TMEM67: variants seen among roughly 807,000 people sequenced by gnomAD.
TMEM67 encodes the protein transmembrane protein 67.
A neutral mutation model predicts 136.6 loss-of-function variants in TMEM67; 124 were observed. The observed-to-expected ratio is 0.91, with a 90% CI of 0.78 to 1.05. The LOEUF (loss-of-function observed/expected upper bound fraction) is 1.05. TMEM67 is among the 50% of genes least tolerant of loss of function. The pLI, the probability that TMEM67 is intolerant of heterozygous loss-of-function variation, is 0.00. For synonymous variants in TMEM67, 364 were observed against 390.5 expected, an observed-to-expected ratio of 0.93 and a Z score of 0.80; for missense variants, 1,107 against 1,178.4, an observed-to-expected ratio of 0.94 and a Z score of 0.89.
chr8:93,784,930 A>G (rs1423495963), intron 11 of TMEM67, among the ~76,000 whole-genome samples: 1 of 152,190 alleles, frequency 6.6e-6, no homozygotes, highest in Non-Finnish European at 1.5e-5. Flanking sequence ...GAATGAAGGT[A>G]TACCTCCTTC....
chr8:93,813,526 C>G (rs898050886), intron 26 of TMEM67, among the ~76,000 whole-genome samples: 14 of 152,162 alleles, frequency 9.2e-5, no homozygotes, highest in African/African-American at 3.4e-4. Flanking sequence ...TGAGCTAAGG[C>G]AGTAGCAGTG....
intron 10 of TMEM67, 91 bp from the exon 11 acceptor site, chr8:93,782,304 A>G: frequency 1.1e-6 from 1 of 892,572 alleles, no homozygotes; most frequent in Non-Finnish European, 1.9e-6. Context: ...AGTATTATGT[A>G]GAGCATATAT....
At chr8:93,793,161 A>T (rs1460558813) in intron 15 of TMEM67, 37 bp from the exon 16 acceptor site, 1 of 1,574,528 alleles carries the variant, frequency 6.4e-7, no homozygotes, top group Non-Finnish European at 8.7e-7. Context: ...CGATGACAGA[A>T]ATTACATAAA....
intron 21 of TMEM67, 75 bp downstream of exon 21, chr8:93,799,833 A>G: frequency 1.6e-6 from 2 of 1,238,064 alleles, no homozygotes; most frequent in East Asian, 2.3e-5. Context: ...ACTGATTATC[A>G]TCAAATATTG....
rs142110560 is a variant in TMEM67, at chr8:93,764,754, T to G, written c.507-652T>G. On this transcript the variant is annotated intron_variant, in intron 4 of 27. Coordinates refer to ENST00000453321, the MANE Select transcript of TMEM67 (RefSeq NM_153704.6). ...ATGGCATCCAAATACCAATTTTTTT[T>G]GCCCAATATTTCCCCAAGCCTAGTG... Among the ~76,000 whole-genome samples the G allele has an allele frequency of 3.6e-3, 552 of 152,288 alleles. 5 individuals carry two copies. The highest frequency in any genetic ancestry group is 0.012 in the South Asian group (58 of 4,824).
chr8:93,778,657 T>G (rs1451630603), intron 7 of TMEM67, among the ~76,000 whole-genome samples: 1 of 152,234 alleles, frequency 6.6e-6, no homozygotes, highest in East Asian at 1.9e-4. Flanking sequence ...GAAAATTCTT[T>G]TCTTTAAGAA....
At chr8:93,758,107 A>C (rs1812662926) in intron 2 of TMEM67, among the ~76,000 whole-genome samples, 1 of 152,234 alleles carries the variant, frequency 6.6e-6, no homozygotes, top group Non-Finnish European at 1.5e-5. Flanking sequence ...GTTTTAGAAC[A>C]GGTAAGATTA....
chr8:93,814,838 G>A (rs1045582916), intron 26 of TMEM67, among the ~76,000 whole-genome samples: 2 of 152,008 alleles, frequency 1.3e-5, no homozygotes, highest in African/African-American at 4.8e-5. Context: ...GATGAAACTC[G>A]CTGGTGGAGT....
intron 11 of TMEM67, among the ~76,000 whole-genome samples, chr8:93,784,112 A>C (rs958009444): frequency 1.3e-5 from 2 of 152,230 alleles, no homozygotes; most frequent in African/African-American, 4.8e-5. Context: ...GTGGGGTTAG[A>C]AATTATTTTT....
intron 7 of TMEM67, among the ~76,000 whole-genome samples, chr8:93,775,480 T>C (rs1209201409): frequency 2.0e-5 from 3 of 152,162 alleles, no homozygotes; most frequent in African/African-American, 7.2e-5. Flanking sequence ...GTTTTTATGG[T>C]TTTAGGTCTA....
At chr8:93,805,005 C>G (rs892348295) in intron 23 of TMEM67, 127 bp downstream of exon 23, 13 of 622,676 alleles carry the variant, frequency 2.1e-5, no homozygotes, top group Non-Finnish European at 3.4e-5. Context: ...TGGAGTCTCC[C>G]TCTGTCACCC....
the TMEM67 span, among the ~76,000 whole-genome samples, chr8:93,830,889 CAAAG>C: frequency 6.6e-6 from 1 of 152,208 alleles, no homozygotes. Context: ...CATGAATAAT[CAAAG>C]AAAGTTCTGC....
At chr8:93,782,186 T>C (rs1371594965) in intron 10 of TMEM67, among the ~76,000 whole-genome samples, 1 of 152,214 alleles carries the variant, frequency 6.6e-6, no homozygotes, top group Non-Finnish European at 1.5e-5. Context: ...AGCGCTGGGA[T>C]TGCAGGCATG....
chr8:93,758,553 A>G lies in TMEM67; in HGVS notation c.383A>G (p.His128Arg). ...GACTTAACTGCCGAAGGAAAATGTC[A>G]CTGTCCCATTGGCCATATTTTAGGT... is the stretch of plus-strand genomic sequence containing the variant. The part of the protein sequence containing the change: ...PSDLTAEGKC[H>R]CPIGHILVER... The change falls in exon 3 of 28, where the codon CAC (histidine) becomes CGC (arginine). Residue 128 changes from histidine (H) to arginine (R), a missense_variant. By Grantham distance (29) the His-to-Arg change is conservative. This residue lies in a region of TMEM67 where 178 missense variants were observed against 159.2 expected (regional missense o/e 1.12). Transcript: ENST00000453321. 1 of 1,613,900 alleles carries G rather than the reference A, an allele frequency of 6.2e-7. No homozygotes were observed. Among genetic ancestry groups the G allele is most frequent in the Non-Finnish European group, 8.5e-7 (1 of 1,179,792 alleles).
At chr8:93,759,556 A>G (rs1812731083) in intron 3 of TMEM67, 1 of 151,918 alleles carries the variant, frequency 6.6e-6, no homozygotes, top group Admixed American at 6.6e-5. Context: ...AAAAATTATT[A>G]TAAACAGTGA....
chr8:93,824,702 C>G, the TMEM67 span, among the ~76,000 whole-genome samples: 1 of 152,040 alleles, frequency 6.6e-6, no homozygotes, highest in African/African-American at 2.4e-5. Flanking sequence ...CTCTATGAGT[C>G]TCTTTTTTTG....
chr8:93,769,519 C>T lies in TMEM67; in HGVS notation c.652-3070C>T, dbSNP rs75449168. On this transcript the variant is annotated intron_variant, in intron 6 of 27. Transcript: ENST00000453321. ...GTGTGCTAAACATACCAGTTCTGAA[C>T]ACTGATTCTTTCCTAAGGACAGATT... The T allele has an allele frequency of 2.2e-3, 376 of 167,266 alleles. 3 individuals are homozygous for T. The highest frequency in any genetic ancestry group is 3.1e-3 in the East Asian group (16 of 5,182). 10.4% of individuals were successfully genotyped at this position (167,266 alleles called of 1,614,324 possible).
At chr8:93,800,963 T>C (rs892763683) in intron 21 of TMEM67, among the ~76,000 whole-genome samples, 1 of 151,746 alleles carries the variant, frequency 6.6e-6, no homozygotes, top group Non-Finnish European at 1.5e-5. Context: ...AAAATAAGTC[T>C]TTTTAGCCTC....
intron 23 of TMEM67, among the ~76,000 whole-genome samples, 168 bp downstream of exon 23, chr8:93,805,046 C>T (rs1353474235): frequency 2.6e-5 from 4 of 152,082 alleles, no homozygotes; most frequent in African/African-American, 4.8e-5. Flanking sequence ...AATCTCGGCT[C>T]ACTGCAGCCT....
Sources: allele counts gnomAD v4.1 joint callset (sites outside exome capture counted in the v4.1 genomes callset), GRCh38; gene constraint gnomAD v4.1.1; regional missense constraint gnomAD v4.1.1; transcripts MANE v1.5; gene names NCBI Gene and HGNC (gene_info 2026-07-23, HGNC 2026-07-21).